NBPF15: variants seen among roughly 807,000 people sequenced by gnomAD.
NBPF15 encodes the protein NBPF member 15.
NBPF15 carries 74 observed loss-of-function variants against 62.2 expected under a neutral mutation model. The ratio of observed to expected loss-of-function variants is 1.19; its 90% CI spans 0.99 to 1.44. The LOEUF (loss-of-function observed/expected upper bound fraction) is 1.44, where lower values mean the gene tolerates loss of function less well. Among genes scored for constraint, NBPF15 ranks in the 40% most tolerant of loss-of-function variants. The probability of loss-of-function intolerance (pLI) is 0.00; values close to 1 mark genes in which losing one functional copy is unlikely to be tolerated. For missense variants in NBPF15, 790 were observed against 550.0 expected, an observed-to-expected ratio of 1.44 and a Z score of -4.36; for synonymous variants, 244 against 209.7, an observed-to-expected ratio of 1.16 and a Z score of -1.41.
intron 19 of NBPF15, among the ~76,000 whole-genome samples, chr1:144,425,100 A>ACACG (rs1668759263): frequency 2.8e-5 from 4 of 141,048 alleles, no homozygotes; most frequent in African/African-American, 9.2e-5. Flanking sequence ...ACACACACAC[A>ACACG]CACAGACACA....
rs587776242 is a variant in NBPF15, at chr1:144,458,931, C to T, written c.-701+435G>A. Among the ~76,000 whole-genome samples, 20 of 151,656 alleles carry T rather than the reference C, an allele frequency of 1.3e-4. No homozygotes were observed. In the East Asian group the frequency reaches 3.7e-3, roughly 28 times the overall value. On this transcript the variant is annotated intron_variant, in intron 3 of 21. Transcript: ENST00000581897. ...TGGCACACTCCTATAGTCGCAGCTA[C>T]TCAGGAGGCTGAGGTGGGAGGATCG...
chr1:144,423,909 C>T lies in NBPF15; in HGVS notation c.1730G>A (p.Gly577Glu), dbSNP rs1401144082. ...GTTGTCATCTTCCCCTTCTTTTCTT[C>T]CCCTTCTTCTTTTCTTCTTTGATCT... ...GRRSKKKRRR[G>E]RKEGEDDNPP... Residue 577 changes from glycine (G) to glutamate (E), a missense_variant, in exon 21 of 22, where the codon GGA (glycine) becomes GAA (glutamate). Physicochemically the swap from Gly to Glu is moderately conservative, Grantham distance 98. Transcript: ENST00000581897. The T allele has an allele frequency of 2.5e-6, 2 of 793,178 alleles. No individual in the cohort carries two copies. Among genetic ancestry groups the T allele is most frequent in the Non-Finnish European group, 4.5e-6 (2 of 443,550 alleles). 49.1% of individuals were successfully genotyped at this position (793,178 alleles called of 1,614,324 possible). A position where few individuals can be genotyped will look rare whatever the true frequency, so the allele number is the denominator to read the frequency against.
Position 144,427,083 on chromosome 1 carries a change from T to C in NBPF15, c.1229A>G (p.Gln410Arg), listed in dbSNP as rs1338988527. 39 of 584,398 alleles carry C rather than the reference T, an allele frequency of 6.7e-5. No individual in the cohort carries two copies. The highest frequency in any genetic ancestry group is 1.5e-5 in the Non-Finnish European group (5 of 337,892). 36.2% of individuals were successfully genotyped at this position (584,398 alleles called of 1,614,324 possible). A position where few individuals can be genotyped will look rare whatever the true frequency, so the allele number is the denominator to read the frequency against. ...TGGGTCTTGGTCTTCTTCCACTTCTTGGTACTTTTCAATTTCTGCAATAAG... is the reference window on the plus strand; with the variant it reads ...TGGGTCTTGGTCTTCTTCCACTTCTCGGTACTTTTCAATTTCTGCAATAAG... ...AIDMDEIEKY[Q>R]EVEEDQDPSC... The change falls in exon 17 of 22, where the codon CAA (glutamine) becomes CGA (arginine). Residue 410 changes from glutamine (Q) to arginine (R), a missense_variant. Transcript: ENST00000581897.
Position 144,435,200 on chromosome 1 carries a change from T to C in NBPF15, c.683A>G (p.Lys228Arg). 3 of 1,613,050 alleles carry C rather than the reference T, an allele frequency of 1.9e-6. No homozygotes were observed. The highest frequency in any genetic ancestry group is 2.5e-6 in the Non-Finnish European group (3 of 1,179,718). ...GACTTTGTCTTCCTCAAATGTGATT[T>C]TGGTTTTCTTATGTGGCTGGTTGGA... ...YDSNQPHKKT[K>R]ITFEEDKVDS... Residue 228 changes from lysine to arginine, a missense_variant, in exon 12 of 22, where the codon AAA (lysine) becomes AGA (arginine). Transcript: ENST00000581897.
chr1:144,453,520 C>T (rs1270078979), intron 4 of NBPF15, among the ~76,000 whole-genome samples: 1 of 150,480 alleles, frequency 6.6e-6, no homozygotes, highest in African/African-American at 2.4e-5. Context: ...GTGAAAGACA[C>T]TGTTAAGAGA....
chr1:144,444,918 G>C (rs1318443391), intron 6 of NBPF15, among the ~76,000 whole-genome samples: 3 of 152,016 alleles, frequency 2.0e-5, no homozygotes, highest in African/African-American at 4.8e-5. Flanking sequence ...TATCTGATTT[G>C]TGTTATGTTT....
At chr1:144,428,140 G>T in intron 15 of NBPF15, 150 bp from the exon 16 acceptor site, 1 of 675,914 alleles carries the variant, frequency 1.5e-6, no homozygotes, top group Admixed American at 2.3e-5. Context: ...TTTATGTTGG[G>T]ATAGACTAGG....
chr1:144,431,949 A>T (rs1405874218), intron 13 of NBPF15, among the ~76,000 whole-genome samples: 2 of 150,326 alleles, frequency 1.3e-5, no homozygotes, highest in Admixed American at 1.3e-4. Context: ...GCCACAATAA[A>T]CATATGTGTG....
At chr1:144,441,473 G>C (rs1229035502) in intron 6 of NBPF15, among the ~76,000 whole-genome samples, 3 of 149,732 alleles carry the variant, frequency 2.0e-5, no homozygotes, top group Non-Finnish European at 4.4e-5. Flanking sequence ...ATACTGGGCT[G>C]TTTGTCAATT....
chr1:144,447,621 G>T (rs1173710723), intron 6 of NBPF15, among the ~76,000 whole-genome samples: 3 of 151,830 alleles, frequency 2.0e-5, no homozygotes, highest in Non-Finnish European at 4.4e-5. Flanking sequence ...AGGAGGGGAT[G>T]TTATGGGGAA....
chr1:144,446,464 A>G (rs1553544086), intron 6 of NBPF15, among the ~76,000 whole-genome samples: 1 of 152,310 alleles, frequency 6.6e-6, no homozygotes. Context: ...ATGCTGAATT[A>G]AAAGAGTAAC....
chr1:144,438,954 C>T (rs1680795268), intron 8 of NBPF15, among the ~76,000 whole-genome samples: 2 of 151,912 alleles, frequency 1.3e-5, no homozygotes, highest in South Asian at 4.2e-4. Flanking sequence ...CCAAGCTACT[C>T]TCTGCTTTTT....
In NBPF15 at chr1:144,445,747, C is replaced by T. The variant is rs1272413392; in HGVS notation, c.-191+3028G>A. ...TTTTAAACATAACAACTCTTCTGAT[C>T]CATGACAAGGTTTATCTCCCCACTA... On this transcript the variant is annotated intron_variant, in intron 6 of 21. Coordinates refer to ENST00000581897, the MANE Select transcript of NBPF15 (RefSeq NM_001385408.1). 5.3e-5 allele frequency among the ~76,000 whole-genome samples: 8 copies of T among 151,374 alleles called. No homozygotes were observed. The East Asian group carries it at 1.2e-3, about 22-fold the overall frequency.
intron 13 of NBPF15, among the ~76,000 whole-genome samples, chr1:144,431,906 G>T (rs1674635157): frequency 6.8e-6 from 1 of 146,720 alleles, no homozygotes; most frequent in African/African-American, 2.5e-5. Flanking sequence ...TGGATATTTG[G>T]CTTGGTTCCA....
intron 16 of NBPF15, among the ~76,000 whole-genome samples, chr1:144,427,508 A>C (rs1284036566): frequency 4.0e-5 from 6 of 149,342 alleles, no homozygotes; most frequent in African/African-American, 1.3e-4. Flanking sequence ...GATGAAATCT[A>C]CAAGATCTAC....
chr1:144,423,953 C>T lies in NBPF15; in HGVS notation c.1686G>A (p.Gly562=), dbSNP rs1667642643. 1.3e-6 allele frequency: 1 copy of T among 771,338 alleles called. No homozygotes were observed. Among genetic ancestry groups the T allele is most frequent in the Non-Finnish European group, 2.4e-6 (1 of 423,914 alleles). The allele number at this position is 771,338 out of a possible 1,614,324, so 47.8% of individuals were successfully genotyped here. A position where few individuals can be genotyped will look rare whatever the true frequency, so the allele number is the denominator to read the frequency against. Residue 562 remains glycine (G), a synonymous_variant, in exon 21 of 22, where the codon GGG becomes GGA. Transcript: ENST00000581897. ...TTGATCTTCTTCCCCTTCTTTTCTT[C>T]CCCTTCCCCTTCTTTTCAATTTCTG... ...DVGEIEKKGK[G]KKRRGRRSKK...
At chr1:144,446,085 CCTCA>C (rs1687346048) in intron 6 of NBPF15, among the ~76,000 whole-genome samples, 10 of 151,118 alleles carry the variant, frequency 6.6e-5, no homozygotes, top group Non-Finnish European at 1.2e-4. Context: ...CATCTCCTGA[CCTCA>C]TGATCTGCCC....
rs1190974312 is a variant in NBPF15 at position 144,423,034 on chromosome 1, C to A, written c.1992G>T (p.Met664Ile). Residue 664 changes from methionine to isoleucine, a missense_variant, in exon 22 of 22, where the codon ATG becomes ATT. Transcript: ENST00000581897. ...TVTSLHLVFQ[M>I]GVIFPQ Reference sequence around the variant, plus strand: ...CTGCTTATTGTGGGAATATGACTCCCATCTGGAACACCAGGTGGAGACTTG... The same window carrying A: ...CTGCTTATTGTGGGAATATGACTCCAATCTGGAACACCAGGTGGAGACTTG... 18 of 1,611,506 alleles carry A rather than the reference C, an allele frequency of 1.1e-5. No homozygotes were observed. Among genetic ancestry groups the A allele is most frequent in the Non-Finnish European group, 1.2e-5 (14 of 1,179,628 alleles).
chr1:144,425,063 C>A (rs1278334840), intron 19 of NBPF15, among the ~76,000 whole-genome samples: 1 of 84,400 alleles, frequency 1.2e-5, no homozygotes, highest in Non-Finnish European at 2.5e-5. Context: ...CAGATAGACA[C>A]ACACACACAC....
Sources: allele counts gnomAD v4.1 joint callset (sites outside exome capture counted in the v4.1 genomes callset), GRCh38; gene constraint gnomAD v4.1.1; transcripts MANE v1.5; gene names NCBI Gene and HGNC (gene_info 2026-07-23, HGNC 2026-07-21).